Variants in WASL observed in about 807,000 individuals in gnomAD.
WASL encodes WASP like actin nucleation promoting factor, also known as actin nucleation-promoting factor WASL.
A neutral mutation model predicts 55.5 loss-of-function variants in WASL; 20 were observed. That is an observed-to-expected ratio of 0.36 (90% CI 0.25 to 0.52). The LOEUF is 0.52. WASL is among the 20% of genes least tolerant of loss of function. WASL has a pLI of 0.92. For synonymous variants in WASL, 249 were observed against 217.6 expected, an observed-to-expected ratio of 1.14 and a Z score of -1.27; for missense variants, 504 against 622.5, an observed-to-expected ratio of 0.81 and a Z score of 2.03.
chr7:123,728,739 G>A (rs557213356), intron 1 of WASL, among the ~76,000 whole-genome samples: 1 of 152,284 alleles, frequency 6.6e-6, no homozygotes, highest in Admixed American at 6.5e-5. Flanking sequence ...GGGAGGCTGA[G>A]GCAGGAGAAT....
At chr7:123,722,709 G>A (rs1371022721) in intron 1 of WASL, among the ~76,000 whole-genome samples, 1 of 152,180 alleles carries the variant, frequency 6.6e-6, no homozygotes, top group South Asian at 2.1e-4. Flanking sequence ...AATCCCAGAG[G>A]TATGAGAATT....
At chr7:123,735,744 G>T (rs1239757534) in intron 1 of WASL, among the ~76,000 whole-genome samples, 1 of 151,984 alleles carries the variant, frequency 6.6e-6, no homozygotes, top group African/African-American at 2.4e-5. Context: ...AAGAAACACA[G>T]AAAAGGAAAA....
chr7:123,725,124 G>A (rs1275003419), intron 1 of WASL, among the ~76,000 whole-genome samples: 1 of 152,188 alleles, frequency 6.6e-6, no homozygotes, highest in East Asian at 1.9e-4. Context: ...CAACAAGGCT[G>A]TAAGTCAGAT....
intron 1 of WASL, among the ~76,000 whole-genome samples, chr7:123,744,326 C>T (rs1804394490): frequency 6.6e-6 from 1 of 152,222 alleles, no homozygotes; most frequent in East Asian, 1.9e-4. Flanking sequence ...CAATAAGAAA[C>T]GCAGAATGAG....
At chr7:123,722,731 G>T (rs1271660559) in intron 1 of WASL, among the ~76,000 whole-genome samples, 1 of 152,064 alleles carries the variant, frequency 6.6e-6, no homozygotes, top group African/African-American at 2.4e-5. Context: ...CTTGAACCTG[G>T]GAGGCAGAGG....
At chr7:123,743,695 T>C (rs1159069185) in intron 1 of WASL, among the ~76,000 whole-genome samples, 1 of 152,164 alleles carries the variant, frequency 6.6e-6, no homozygotes, top group Non-Finnish European at 1.5e-5. Context: ...TCCTCCAAAC[T>C]CCCAGAATAC....
At chr7:123,726,297 T>G (rs1443295605) in intron 1 of WASL, among the ~76,000 whole-genome samples, 1 of 152,032 alleles carries the variant, frequency 6.6e-6, no homozygotes. Flanking sequence ...ATTAACTACA[T>G]AGGGAAAAAA....
At chr7:123,685,148 T>G (rs752712199) in intron 10 of WASL, among the ~76,000 whole-genome samples, 3 of 151,312 alleles carry the variant, frequency 2.0e-5, no homozygotes, top group Non-Finnish European at 3.0e-5. Context: ...TTATTGCAAC[T>G]CTAGAGTCTA....
At chr7:123,708,763 G>A (rs1562960658) in intron 2 of WASL, among the ~76,000 whole-genome samples, 1 of 151,148 alleles carries the variant, frequency 6.6e-6, no homozygotes, top group Non-Finnish European at 1.5e-5. Flanking sequence ...TAATGAACCA[G>A]GTGGAATAAA....
At chr7:123,718,924 G>T (rs553918670) in intron 1 of WASL, among the ~76,000 whole-genome samples, 1 of 152,222 alleles carries the variant, frequency 6.6e-6, no homozygotes, top group African/African-American at 2.4e-5. Context: ...TTGTTATGTG[G>T]CAGGCATAAT....
intron 1 of WASL, among the ~76,000 whole-genome samples, chr7:123,732,194 G>C (rs1045480048): frequency 6.6e-6 from 1 of 152,148 alleles, no homozygotes; most frequent in African/African-American, 2.4e-5. Context: ...GCCGGGTGTG[G>C]TGGCGGACGC....
chr7:123,691,318 G>A (rs2116768259), intron 9 of WASL, among the ~76,000 whole-genome samples: 1 of 152,280 alleles, frequency 6.6e-6, no homozygotes, highest in East Asian at 1.9e-4. Flanking sequence ...GTATGTAAAT[G>A]TAGACAGGTT....
At chr7:123,705,836 T>C (rs1055925417) in intron 4 of WASL, among the ~76,000 whole-genome samples, 3 of 152,196 alleles carry the variant, frequency 2.0e-5, no homozygotes, top group Admixed American at 6.5e-5. Context: ...CTCTGCTTAT[T>C]TGCTTCTAAG....
At chr7:123,743,461 G>C (rs28406929) in intron 1 of WASL, among the ~76,000 whole-genome samples, 42,847 of 151,982 alleles carry the variant, frequency 0.28, 6,506 homozygotes, top group African/African-American at 0.38. Flanking sequence ...TTAGCAGCCA[G>C]GGAGGCTCAG....
chr7:123,742,470 A>G (rs556696816), intron 1 of WASL, among the ~76,000 whole-genome samples: 15 of 152,346 alleles, frequency 9.8e-5, no homozygotes, highest in South Asian at 6.2e-4. Flanking sequence ...TCAATTCACT[A>G]TAACTATTAA....
chr7:123,713,211 G>A (rs1281240562), intron 1 of WASL, among the ~76,000 whole-genome samples: 1 of 152,130 alleles, frequency 6.6e-6, no homozygotes, highest in African/African-American at 2.4e-5. Flanking sequence ...GCAATGGTGA[G>A]TGAGATCGCT....
chr7:123,686,916 T>A (rs1435586461), intron 10 of WASL, among the ~76,000 whole-genome samples: 2 of 152,156 alleles, frequency 1.3e-5, no homozygotes, highest in African/African-American at 4.8e-5. Context: ...TCTATGTATA[T>A]CCTACTGACA....
intron 1 of WASL, among the ~76,000 whole-genome samples, chr7:123,746,206 T>C (rs1247423689): frequency 6.6e-5 from 10 of 152,228 alleles, no homozygotes; most frequent in Non-Finnish European, 1.3e-4. Flanking sequence ...TTTCCCTTTT[T>C]AGACCTAGTA....
At chr7:123,729,602 A>T (rs1804106482) in intron 1 of WASL, among the ~76,000 whole-genome samples, 1 of 152,210 alleles carries the variant, frequency 6.6e-6, no homozygotes, top group Non-Finnish European at 1.5e-5. Context: ...TTATGGAATA[A>T]AGAGATACAA....
Sources: allele counts gnomAD v4.1 joint callset (sites outside exome capture counted in the v4.1 genomes callset), GRCh38; gene constraint gnomAD v4.1.1; transcripts MANE v1.5; gene names NCBI Gene and HGNC (gene_info 2026-07-23, HGNC 2026-07-21).